CFAP44: variants seen among roughly 807,000 people sequenced by gnomAD.
The protein encoded by CFAP44 is cilia and flagella associated protein 44, also known as cilia- and flagella-associated protein 44.
Under a neutral mutation model 216.2 loss-of-function variants are expected in CFAP44, and 134 were observed. The ratio of observed to expected loss-of-function variants is 0.62; its 90% CI spans 0.54 to 0.72. The LOEUF (loss-of-function observed/expected upper bound fraction) is 0.72. Ranked by LOEUF, CFAP44 falls within the 30% of genes least tolerant of loss-of-function variation. The probability of loss-of-function intolerance (pLI) is 0.00; values close to 1 mark genes in which losing one functional copy is unlikely to be tolerated. For synonymous variants in CFAP44, 700 were observed against 727.6 expected, an observed-to-expected ratio of 0.96 and a Z score of 0.61; for missense variants, 2,035 against 2,182.1, an observed-to-expected ratio of 0.93 and a Z score of 1.34.
At chr3:113,395,605 C>G (rs1933967756) in intron 15 of CFAP44, 145 bp downstream of exon 15, 1 of 623,548 alleles carries the variant, frequency 1.6e-6, no homozygotes, top group African/African-American at 1.9e-5. Context: ...CAGCAGCCAC[C>G]TGAGCTTTCT....
chr3:113,422,571 T>G (rs1299203488), intron 4 of CFAP44, among the ~76,000 whole-genome samples: 1 of 152,204 alleles, frequency 6.6e-6, no homozygotes, highest in Non-Finnish European at 1.5e-5. Flanking sequence ...AAATCTTGTA[T>G]AGAAATGTGA....
At chr3:113,428,626 T>C (rs570160484) in intron 2 of CFAP44, among the ~76,000 whole-genome samples, 1 of 152,250 alleles carries the variant, frequency 6.6e-6, no homozygotes, top group South Asian at 2.1e-4. Context: ...TGAGAATAAA[T>C]ACCAAAAACA....
intron 18 of CFAP44, among the ~76,000 whole-genome samples, chr3:113,371,956 A>G (rs1430132827): frequency 3.9e-5 from 6 of 152,240 alleles, no homozygotes; most frequent in Non-Finnish European, 8.8e-5. Flanking sequence ...ACATTTACGC[A>G]GCCAACAGAC....
At chr3:113,421,303 C>T (rs568216256) in intron 4 of CFAP44, among the ~76,000 whole-genome samples, 6 of 152,282 alleles carry the variant, frequency 3.9e-5, no homozygotes, top group African/African-American at 1.4e-4. Flanking sequence ...CCATCTCACA[C>T]CAGTCAGAAT....
chr3:113,347,554 G>T (rs7624197), intron 22 of CFAP44, among the ~76,000 whole-genome samples: 5,411 of 151,866 alleles, frequency 0.036, 325 homozygotes, highest in African/African-American at 0.12. Context: ...TCAGGACTCT[G>T]TTCCCTTCTT....
intron 28 of CFAP44, among the ~76,000 whole-genome samples, chr3:113,310,262 G>A (rs799828): frequency 0.013 from 2,015 of 152,224 alleles, 46 homozygotes; most frequent in African/African-American, 0.046. Context: ...CTCCCCTCAG[G>A]GGTGGTATCA....
intron 23 of CFAP44, among the ~76,000 whole-genome samples, chr3:113,342,976 T>G (rs1559917205): frequency 6.8e-6 from 1 of 148,032 alleles, no homozygotes; most frequent in Non-Finnish European, 1.5e-5. Flanking sequence ...AGAGAGAGAC[T>G]CTGTATCAAA....
intron 6 of CFAP44, 83 bp downstream of exon 6, chr3:113,416,442 T>C: frequency 1.8e-6 from 2 of 1,117,902 alleles, no homozygotes; most frequent in Non-Finnish European, 2.6e-6. Flanking sequence ...CTGGAGAACC[T>C]TGACTTATGA....
intron 15 of CFAP44, among the ~76,000 whole-genome samples, chr3:113,394,465 C>T (rs544133134): frequency 6.6e-6 from 1 of 152,202 alleles, no homozygotes; most frequent in South Asian, 2.1e-4. Context: ...TATCACTCCC[C>T]TCACCTGAAC....
intron 22 of CFAP44, 149 bp downstream of exon 22, chr3:113,358,596 T>C: frequency 3.0e-6 from 3 of 996,226 alleles, no homozygotes; most frequent in South Asian, 2.9e-5. Context: ...AAAATATCAG[T>C]AGCAGTGACA....
intron 5 of CFAP44, among the ~76,000 whole-genome samples, chr3:113,418,768 T>C (rs1241204887): frequency 6.6e-6 from 1 of 152,038 alleles, no homozygotes; most frequent in East Asian, 1.9e-4. Flanking sequence ...TGCAACGGCA[T>C]GATCTCAGTT....
Position 113,367,746 on chromosome 3 carries a change from T to C in CFAP44, c.2445-1437A>G, listed in dbSNP as rs149771918. On this transcript the variant is annotated intron_variant, in intron 18 of 34. Transcript: ENST00000393845. ...ATGGAGAATGATTTTGATGAGTTAG[T>C]TGACAGAAGTAGGCTTCAGAAGGTT... is the stretch of plus-strand genomic sequence containing the variant. Among the ~76,000 whole-genome samples the C allele has an allele frequency of 7.9e-5, 12 of 152,142 alleles. No homozygotes were observed. The East Asian group carries it at 1.7e-3, about 22-fold the overall frequency.
chr3:113,346,861 TTTG>T (rs1474333075), intron 22 of CFAP44, among the ~76,000 whole-genome samples: 1 of 152,190 alleles, frequency 6.6e-6, no homozygotes, highest in East Asian at 1.9e-4. Context: ...CTGTGGAAGC[TTTG>T]TTTTTTTGCT....
At position 113,380,960 on chromosome 3, in the gene CFAP44, TAGG is replaced by T; in HGVS notation, c.1988_1990del (p.Ser663del). Reference sequence around the variant, plus strand: ...TTTTATGCACATGTCTTTGATTTCATAGGAGACTACATCATGATCATCCTCTTC... The same window carrying T: ...TTTTATGCACATGTCTTTGATTTCATAGACTACATCATGATCATCCTCTTC... On this transcript the variant is annotated inframe_deletion, in exon 16 of 35. Transcript: ENST00000393845. The T allele has an allele frequency of 7.5e-6, 12 of 1,598,132 alleles. No homozygotes were observed. Among genetic ancestry groups the T allele is most frequent in the Non-Finnish European group, 1.0e-5 (12 of 1,172,202 alleles).
intron 22 of CFAP44, among the ~76,000 whole-genome samples, chr3:113,350,703 C>T (rs571544615): frequency 3.3e-5 from 5 of 152,114 alleles, no homozygotes; most frequent in Admixed American, 2.0e-4. Flanking sequence ...CAATCTGTGG[C>T]GGTGGCTGCT....
intron 17 of CFAP44, among the ~76,000 whole-genome samples, chr3:113,374,666 A>C (rs1933282683): frequency 6.6e-6 from 1 of 152,134 alleles, no homozygotes; most frequent in South Asian, 2.1e-4. Context: ...ATGGGGTCTT[A>C]CTCTGTCACC....
At position 113,302,772 on chromosome 3, in the gene CFAP44, C is replaced by CAA. The variant is rs57355375; in HGVS notation, c.5077+1142_5077+1143dup. Among the ~76,000 whole-genome samples the CAA allele has an allele frequency of 3.6e-3, 158 of 44,404 alleles. 2 individuals carry two copies. The highest frequency in any genetic ancestry group is 6.1e-3 in the Non-Finnish European group (128 of 21,148). The allele number at this position is 44,404 out of a possible 152,430, so 29.1% of individuals were successfully genotyped here. A position where few individuals can be genotyped will look rare whatever the true frequency, so the allele number is the denominator to read the frequency against. On this transcript the variant is annotated intron_variant, in intron 32 of 34. Coordinates refer to ENST00000393845, the MANE Select transcript of CFAP44 (RefSeq NM_001164496.2). Reference sequence around the variant, plus strand: ...TGGGCGATAGAGTGAGACTCCATCTCAAAAAAAAAAAAAAAAAAAGAAAAA... The same window carrying CAA: ...TGGGCGATAGAGTGAGACTCCATCTCAAAAAAAAAAAAAAAAAAAAAGAAAAA...
chr3:113,391,926 A>C (rs1263175745), intron 15 of CFAP44, among the ~76,000 whole-genome samples: 3 of 152,128 alleles, frequency 2.0e-5, no homozygotes, highest in African/African-American at 7.2e-5. Context: ...AATGTGGAGT[A>C]AATTATACTG....
In CFAP44 at chr3:113,427,432, A is replaced by G. The variant is rs1316520947; in HGVS notation, c.101-93T>C. On this transcript the variant is annotated intron_variant, in intron 2 of 34. Coordinates refer to ENST00000393845, the MANE Select transcript of CFAP44 (RefSeq NM_001164496.2). ...AACTTCCAATTTCCTTGTGCTATAG[A>G]TGTAATAAATCTAATACATACTCAA... 5 of 951,912 alleles carry G rather than the reference A, an allele frequency of 5.3e-6. No homozygotes were observed. In the South Asian group the frequency reaches 8.9e-5, roughly 17 times the overall value. The allele number at this position is 951,912 out of a possible 1,614,324, so 59.0% of individuals were successfully genotyped here.
Sources: gnomAD v4.1 joint callset for allele counts (sites outside exome capture counted in the v4.1 genomes callset) on GRCh38, gnomAD v4.1.1 for gene constraint, MANE v1.5 for transcripts, NCBI Gene and HGNC (gene_info 2026-07-23, HGNC 2026-07-21) for gene names.